PKM: variants seen among roughly 807,000 people sequenced by gnomAD.
PKM encodes pyruvate kinase M1/2.
In PKM, 18 loss-of-function variants were observed where a neutral mutation model predicts 49.8. That is an observed-to-expected ratio of 0.36 (90% CI 0.25 to 0.54). The LOEUF is 0.54. Ranked by LOEUF, PKM falls within the 20% of genes least tolerant of loss-of-function variation. The probability of loss-of-function intolerance (pLI) is 0.89; values close to 1 mark genes in which losing one functional copy is unlikely to be tolerated. For synonymous variants in PKM, 239 were observed against 261.8 expected, an observed-to-expected ratio of 0.91 and a Z score of 0.84; for missense variants, 508 against 713.8, an observed-to-expected ratio of 0.71 and a Z score of 3.28.
chr15:72,203,181 C>G, intron 8 of PKM: 1 of 1,613,396 alleles, frequency 6.2e-7, no homozygotes, highest in Non-Finnish European at 8.5e-7. Flanking sequence ...CTCAGCCTCA[C>G]GAGCTATCTG....
chr15:72,206,566 C>T, intron 8 of PKM, 162 bp downstream of exon 8: 1 of 672,264 alleles, frequency 1.5e-6, no homozygotes, highest in South Asian at 1.9e-5. Flanking sequence ...AAAAAAAAGC[C>T]ACCTCCACTT....
intron 2 of PKM, among the ~76,000 whole-genome samples, chr15:72,217,819 A>G (rs535769533): frequency 1.4e-3 from 217 of 152,352 alleles, no homozygotes; most frequent in African/African-American, 5.1e-3. Flanking sequence ...AGCACAGAAC[A>G]TGTTAGAAAG....
rs78329476 is a variant in PKM, at chr15:72,208,472, C to T, written c.836+149G>A. ...ACAAAAAAACATAATGCCTTCTACTCTCCTAAGATATTCTGATTCAGCAGG... is the reference window on the plus strand; with the variant it reads ...ACAAAAAAACATAATGCCTTCTACTTTCCTAAGATATTCTGATTCAGCAGG... On this transcript the variant is annotated intron_variant, in intron 6 of 10. Coordinates refer to ENST00000335181, the MANE Select transcript of PKM (RefSeq NM_002654.6). 7,019 of 837,446 alleles carry T rather than the reference C, an allele frequency of 8.4e-3. 58 individuals are homozygous for T. Among genetic ancestry groups the T allele is most frequent in the Non-Finnish European group, 0.011 (5,331 of 497,174 alleles). The allele number at this position is 837,446 out of a possible 1,614,324, so 51.9% of individuals were successfully genotyped here. A position where few individuals can be genotyped will look rare whatever the true frequency, so the allele number is the denominator to read the frequency against.
chr15:72,229,956 G>C (rs921490632), intron 1 of PKM, among the ~76,000 whole-genome samples: 1 of 151,996 alleles, frequency 6.6e-6, no homozygotes, highest in African/African-American at 2.4e-5. Flanking sequence ...AGAAAGAAAC[G>C]TGCCGGAGAG....
Position 72,200,518 on chromosome 15 carries a change from C to A in PKM, c.1445G>T (p.Trp482Leu). ...CACCCGGAGGTCCACGTCCTCAGCC[C>A]AGGCCTCCTGGACTGGGTCCTTGCA... ...VLCKDPVQEA[W>L]AEDVDLRVNF... The change falls in exon 10 of 11, where the codon TGG (tryptophan) becomes TTG (leucine). Residue 482 changes from tryptophan to leucine, a missense_variant. Trp to Leu is a moderately conservative substitution (Grantham distance 61). Coordinates refer to ENST00000335181, the MANE Select transcript of PKM (RefSeq NM_002654.6). This position sits in a 1 kb window ranked among gnomAD's most constrained non-coding sequence, Gnocchi z 4.6. The A allele has an allele frequency of 6.2e-7, 1 of 1,613,940 alleles. No homozygotes were observed. The highest frequency in any genetic ancestry group is 8.5e-7 in the Non-Finnish European group (1 of 1,179,896).
chr15:72,224,913 TTC>T (rs1355832551), intron 1 of PKM, among the ~76,000 whole-genome samples: 1 of 114,724 alleles, frequency 8.7e-6, no homozygotes, highest in African/African-American at 3.2e-5. Flanking sequence ...TTTCTTTAAT[TTC>T]TTTTTTCTTT....
At chr15:72,222,165 T>C (rs2082543459) in intron 1 of PKM, among the ~76,000 whole-genome samples, 1 of 152,226 alleles carries the variant, frequency 6.6e-6, no homozygotes, top group Non-Finnish European at 1.5e-5. Context: ...TAAGCTCTAA[T>C]TTTTTGCCAA....
intron 1 of PKM, among the ~76,000 whole-genome samples, chr15:72,223,037 T>C (rs1033788068): frequency 2.6e-5 from 4 of 150,960 alleles, no homozygotes; most frequent in Non-Finnish European, 4.4e-5. Flanking sequence ...TTTTTTTTTT[T>C]CAGACAGGGT....
Position 72,199,390 on chromosome 15 carries a change from A to C in PKM, c.*260T>G, listed in dbSNP as rs775719202. ...TGTCACCCTCTTGCCATCTGGCTCC[A>C]GGGGCCTCCAGTCCAGCATTCCTCC... On this transcript the variant is annotated 3_prime_UTR_variant, in exon 11 of 11. Coordinates refer to ENST00000335181, the MANE Select transcript of PKM (RefSeq NM_002654.6). 1.5e-6 allele frequency: 1 copy of C among 664,542 alleles called. No homozygotes were observed. The highest frequency in any genetic ancestry group is 2.8e-6 in the Non-Finnish European group (1 of 361,074). 41.2% of individuals were successfully genotyped at this position (664,542 alleles called of 1,614,324 possible).
chr15:72,218,705 C>G (rs1389583588), intron 2 of PKM, among the ~76,000 whole-genome samples: 1 of 151,938 alleles, frequency 6.6e-6, no homozygotes, highest in African/African-American at 2.4e-5. Flanking sequence ...TGGGAGCCAC[C>G]ATACCTCGCC....
intron 1 of PKM, among the ~76,000 whole-genome samples, chr15:72,230,362 G>A (rs577123854): frequency 8.1e-4 from 123 of 152,316 alleles, no homozygotes; most frequent in African/African-American, 2.8e-3. Context: ...CCCCGGACAC[G>A]GGGCCTCAGC....
rs769965811 is a variant in PKM at position 72,208,716 on chromosome 15, C to T, written c.741G>A (p.Lys247=). The change falls in exon 6 of 11, where the codon AAG becomes AAA. Residue 247 remains lysine, a synonymous_variant. Coordinates refer to ENST00000335181, the MANE Select transcript of PKM (RefSeq NM_002654.6). ...TCCTAACTTCATGGACATCAGATGC[C>T]TTGCGGATGAATGACGCAAACACCA... is the stretch of plus-strand genomic sequence containing the variant. ...VDMVFASFIR[K]ASDVHEVRKV... 1 of 1,614,146 alleles carries T rather than the reference C, an allele frequency of 6.2e-7. No homozygotes were observed. Among genetic ancestry groups the T allele is most frequent in the Non-Finnish European group, 8.5e-7 (1 of 1,180,006 alleles).
rs1210145268 is a variant in PKM at position 72,202,021 on chromosome 15, A to T, written c.1307+433T>A. ...CAATTTGTCTTTAGGGCTCAAAAAC[A>T]GCAGGGACTAGTGTGCCAAATGGAG... On this transcript the variant is annotated intron_variant, in intron 9 of 10. Coordinates refer to ENST00000335181, the MANE Select transcript of PKM (RefSeq NM_002654.6). The surrounding 1 kb of genome is among the most constrained non-coding windows in gnomAD (Gnocchi z 4.5). The T allele has an allele frequency of 4.1e-6, 1 of 243,776 alleles. No homozygotes were observed. 15.1% of individuals were successfully genotyped at this position (243,776 alleles called of 1,614,324 possible).
At position 72,200,407 on chromosome 15, in the gene PKM, C is replaced by T; in HGVS notation, c.1489+67G>A. 6.7e-7 allele frequency: 1 copy of T among 1,502,146 alleles called. No homozygotes were observed. Among genetic ancestry groups the T allele is most frequent in the Non-Finnish European group, 9.2e-7 (1 of 1,082,052 alleles). 93.1% of individuals were successfully genotyped at this position (1,502,146 alleles called of 1,614,324 possible). A position where few individuals can be genotyped will look rare whatever the true frequency, so the allele number is the denominator to read the frequency against. ...TTCTATTCCCCAAACTTTCGGGGTC[C>T]CACAGAAGCCAATGCTCAAGCATCC... is the stretch of plus-strand genomic sequence containing the variant. On this transcript the variant is annotated intron_variant, in intron 10 of 10. Coordinates refer to ENST00000335181, the MANE Select transcript of PKM (RefSeq NM_002654.6). The surrounding 1 kb of genome is among the most constrained non-coding windows in gnomAD (Gnocchi z 4.6).
chr15:72,209,430 T>C (rs1413663373), intron 5 of PKM: 6 of 20,942 alleles, frequency 2.9e-4, no homozygotes, highest in African/African-American at 8.5e-4. Flanking sequence ...TATATATATA[T>C]ATATATATAT....
chr15:72,206,646 C>A, intron 8 of PKM, 82 bp downstream of exon 8: 1 of 1,393,756 alleles, frequency 7.2e-7, no homozygotes, highest in South Asian at 1.2e-5. Context: ...ATGGAGAAAC[C>A]TAAAAAGCTC....
chr15:72,207,607 T>A (rs1292270042), intron 6 of PKM, among the ~76,000 whole-genome samples: 1 of 152,242 alleles, frequency 6.6e-6, no homozygotes, highest in Non-Finnish European at 1.5e-5. Flanking sequence ...AGGGCCTCCA[T>A]TTTCCAATCA....
At chr15:72,204,241 G>A (rs567727270) in intron 8 of PKM, 35 of 152,342 alleles carry the variant, frequency 2.3e-4, no homozygotes, top group African/African-American at 8.2e-4. Flanking sequence ...TTAATGGAAG[G>A]AACTGTTGGC....
chr15:72,223,598 A>G (rs2082584840), intron 1 of PKM, among the ~76,000 whole-genome samples: 1 of 152,184 alleles, frequency 6.6e-6, no homozygotes, highest in Non-Finnish European at 1.5e-5. Context: ...CTCTTCCTCA[A>G]CAATGGAAAT....
Sources: gnomAD v4.1 joint callset for allele counts (sites outside exome capture counted in the v4.1 genomes callset) on GRCh38, gnomAD v4.1.1 for gene constraint, Gnocchi (gnomAD v3.1) non-coding constraint, MANE v1.5 for transcripts, NCBI Gene and HGNC (gene_info 2026-07-23, HGNC 2026-07-21) for gene names.